The following NUMB variants were observed in gnomAD, a reference collection of about 807,000 sequenced individuals.
NUMB encodes the protein NUMB endocytic adaptor protein, also known as protein numb homolog.
Under a neutral mutation model 59.7 loss-of-function variants are expected in NUMB, and 29 were observed. The ratio of observed to expected loss-of-function variants is 0.49; its 90% CI spans 0.36 to 0.66. NUMB has a LOEUF of 0.66. Ranked by LOEUF, NUMB falls within the 30% of genes least tolerant of loss-of-function variation. The probability of loss-of-function intolerance (pLI) is 0.00; values close to 1 mark genes in which losing one functional copy is unlikely to be tolerated. For synonymous variants in NUMB, 288 were observed against 288.2 expected (o/e 1.00, Z 0.01); for missense variants, 723 against 822.0 (o/e 0.88, Z 1.47).
chr14:73,340,973 G>T (rs1486410205), intron 4 of NUMB, among the ~76,000 whole-genome samples: 1 of 152,158 alleles, frequency 6.6e-6, no homozygotes, highest in Non-Finnish European at 1.5e-5. Flanking sequence ...TCTTTTTCCT[G>T]TGCTCACACT....
chr14:73,350,165 C>T (rs1893159893), intron 4 of NUMB, among the ~76,000 whole-genome samples: 1 of 147,286 alleles, frequency 6.8e-6, no homozygotes, highest in Non-Finnish European at 1.5e-5. Flanking sequence ...CAATATGAAA[C>T]TAGGTGTCTT....
chr14:73,396,993 G>A (rs746769450), intron 2 of NUMB, among the ~76,000 whole-genome samples: 7 of 152,004 alleles, frequency 4.6e-5, no homozygotes, highest in Non-Finnish European at 7.4e-5. Flanking sequence ...GCATGGTGGC[G>A]CACACCTGTA....
At chr14:73,372,385 G>A (rs1221043373) in intron 2 of NUMB, among the ~76,000 whole-genome samples, 6 of 117,934 alleles carry the variant, frequency 5.1e-5, no homozygotes, top group African/African-American at 1.7e-4. Flanking sequence ...ATATATAAAT[G>A]TGTATGTCAG....
intron 2 of NUMB, among the ~76,000 whole-genome samples, chr14:73,367,348 T>TAGAGAGAGAGAGAGAGAGAGAGAGAGAG (rs71112740): frequency 9.5e-6 from 1 of 105,326 alleles, no homozygotes; most frequent in African/African-American, 5.0e-5. Context: ...TATATATATA[T>TAGAGAGAGAGAGAGAGAGAGAGAGAGAG]AGAGAGAGAG....
intron 1 of NUMB, among the ~76,000 whole-genome samples, chr14:73,426,303 A>G (rs771880118): frequency 7.2e-5 from 11 of 152,210 alleles, no homozygotes; most frequent in Non-Finnish European, 1.5e-4. Context: ...ATACAAATGC[A>G]AAGTGGTAAG....
At chr14:73,433,348 G>A (rs900905711) in intron 1 of NUMB, among the ~76,000 whole-genome samples, 1 of 152,096 alleles carries the variant, frequency 6.6e-6, no homozygotes, top group African/African-American at 2.4e-5. Context: ...CTTGAACCCG[G>A]GAGACGGAGG....
chr14:73,387,769 AAC>A, intron 2 of NUMB, among the ~76,000 whole-genome samples: 9 of 151,334 alleles, frequency 5.9e-5, no homozygotes, highest in African/African-American at 1.9e-4. Flanking sequence ...ACAAAAAAAA[AAC>A]CAAAAAGGCC....
chr14:73,405,908 C>CT (rs1006846171), intron 2 of NUMB, among the ~76,000 whole-genome samples: 1 of 151,794 alleles, frequency 6.6e-6, no homozygotes, highest in African/African-American at 2.4e-5. Context: ...AATAAAAACT[C>CT]TGATAACTGA....
In NUMB at chr14:73,352,433, T is replaced by TACACACAC. The variant is rs10610977; in HGVS notation, c.126+3185_126+3192dup. ...ACCTTGGGTTGTAATAATATATATA[T>TACACACAC]ACACACACACACACACACACACACA... is the stretch of plus-strand genomic sequence containing the variant. On this transcript the variant is annotated intron_variant, in intron 4 of 12. Coordinates refer to ENST00000555238, the MANE Select transcript of NUMB (RefSeq NM_001005743.2). Among the ~76,000 whole-genome samples the TACACACAC allele has an allele frequency of 5.7e-5, 3 of 52,676 alleles. 1 individual carries two copies. Among genetic ancestry groups the TACACACAC allele is most frequent in the Non-Finnish European group, 1.1e-4 (3 of 26,862 alleles). The allele number at this position is 52,676 out of a possible 152,430, so 34.6% of individuals were successfully genotyped here.
chr14:73,278,975 C>T (rs750604736), intron 12 of NUMB, among the ~76,000 whole-genome samples: 1 of 152,152 alleles, frequency 6.6e-6, no homozygotes, highest in Non-Finnish European at 1.5e-5. Flanking sequence ...CCACCCACCT[C>T]AGCCTCCCAA....
intron 3 of NUMB, among the ~76,000 whole-genome samples, chr14:73,361,098 G>A (rs1490835864): frequency 1.3e-5 from 2 of 151,978 alleles, no homozygotes; most frequent in African/African-American, 2.4e-5. Context: ...CCATGTTACC[G>A]AGGCTGGTTT....
At chr14:73,339,471 A>G (rs1892517723) in intron 4 of NUMB, among the ~76,000 whole-genome samples, 1 of 152,172 alleles carries the variant, frequency 6.6e-6, no homozygotes. Context: ...GCAACCTGAA[A>G]TGCTTGCTTT....
Position 73,352,515 on chromosome 14 carries a change from T to C in NUMB, c.126+3111A>G, listed in dbSNP as rs1566756359. Among the ~76,000 whole-genome samples, 9 of 24,326 alleles carry C rather than the reference T, an allele frequency of 3.7e-4. 1 individual carries two copies. Among genetic ancestry groups the C allele is most frequent in the Non-Finnish European group, 5.3e-4 (7 of 13,088 alleles). 16.0% of individuals were successfully genotyped at this position (24,326 alleles called of 152,430 possible). A position where few individuals can be genotyped will look rare whatever the true frequency, so the allele number is the denominator to read the frequency against. On this transcript the variant is annotated intron_variant, in intron 4 of 12. Transcript: ENST00000555238. ...ATATATATATATATATATATATATA[T>C]ATATATATATATATGTTTTTTTTTT...
At chr14:73,425,662 TATA>T (rs1474097230) in intron 1 of NUMB, among the ~76,000 whole-genome samples, 11 of 152,158 alleles carry the variant, frequency 7.2e-5, no homozygotes, top group Non-Finnish European at 1.2e-4. Context: ...CACTTGAAAA[TATA>T]ATAACTACTA....
chr14:73,335,409 T>C (rs993323378), intron 4 of NUMB, among the ~76,000 whole-genome samples: 11 of 152,008 alleles, frequency 7.2e-5, no homozygotes, highest in Non-Finnish European at 1.2e-4. Context: ...TGTGTCTTAT[T>C]AGACTATGAG....
intron 1 of NUMB, among the ~76,000 whole-genome samples, chr14:73,439,962 A>G (rs1882898114): frequency 6.6e-6 from 1 of 152,188 alleles, no homozygotes; most frequent in Non-Finnish European, 1.5e-5. Flanking sequence ...TAACATAAGG[A>G]TGAAATTATA....
At chr14:73,447,592 C>T (rs896184627) in intron 1 of NUMB, among the ~76,000 whole-genome samples, 1 of 150,052 alleles carries the variant, frequency 6.7e-6, no homozygotes, top group Non-Finnish European at 1.5e-5. Context: ...AATCCCAGCA[C>T]TTTGGGAGAC....
chr14:73,324,488 G>A (rs982709305), intron 4 of NUMB, among the ~76,000 whole-genome samples: 6 of 152,100 alleles, frequency 3.9e-5, no homozygotes, highest in South Asian at 4.1e-4. Context: ...AAAGGGTAGA[G>A]GGAAAGTTCT....
intron 3 of NUMB, among the ~76,000 whole-genome samples, chr14:73,358,068 T>A (rs1391572197): frequency 6.6e-6 from 1 of 152,144 alleles, no homozygotes; most frequent in African/African-American, 2.4e-5. Context: ...CCGGACTGAT[T>A]TTACCTCCTT....
Sources: gnomAD v4.1 joint callset for allele counts (sites outside exome capture counted in the v4.1 genomes callset) on GRCh38, gnomAD v4.1.1 for gene constraint, MANE v1.5 for transcripts, NCBI Gene and HGNC (gene_info 2026-07-23, HGNC 2026-07-21) for gene names.